DNMT3A: variants seen among roughly 807,000 people sequenced by gnomAD.
DNMT3A encodes the protein DNA methyltransferase 3 alpha.
Under a neutral mutation model 117.6 loss-of-function variants are expected in DNMT3A, and 267 were observed. The ratio of observed to expected loss-of-function variants is 2.27; its 90% CI spans 2.05 to 2.51. The LOEUF is 2.51. Ranked by LOEUF, DNMT3A falls within the 30% of genes most tolerant of loss-of-function variation. The pLI, the probability that DNMT3A is intolerant of heterozygous loss-of-function variation, is 0.00. For missense variants in DNMT3A, 1,029 were observed against 1,260.2 expected (o/e 0.82, Z 2.78); for synonymous variants, 432 against 474.8 (o/e 0.91, Z 1.17).
At chr2:25,278,118 CT>C (rs2031608446) in intron 4 of DNMT3A, among the ~76,000 whole-genome samples, 1 of 152,120 alleles carries the variant, frequency 6.6e-6, no homozygotes, top group Non-Finnish European at 1.5e-5. Flanking sequence ...CAGCTGCTCT[CT>C]CAGTACGGCC....
rs552103577 is a variant in DNMT3A, at chr2:25,250,749, G to T, written c.640-2497C>A. On this transcript the variant is annotated intron_variant, in intron 6 of 22. Coordinates refer to ENST00000321117, the MANE Select transcript of DNMT3A (RefSeq NM_022552.5). The stretch of plus-strand genomic sequence containing the variant: ...GGTGGCTGACCTAGGGTGATGCCTC[G>T]GATGATCCAAAGACCCCGTTTCCAG... 3.9e-5 allele frequency among the ~76,000 whole-genome samples: 6 copies of T among 152,296 alleles called. No individual in the cohort carries two copies. In the South Asian group the frequency reaches 1.2e-3, roughly 32 times the overall value.
Position 25,245,244 on chromosome 2 carries a change from T to C in DNMT3A, c.1554+9A>G, listed in dbSNP as rs1438995868. The C allele has an allele frequency of 6.2e-7, 1 of 1,613,544 alleles. No individual in the cohort carries two copies. The highest frequency in any genetic ancestry group is 2.2e-5 in the East Asian group (1 of 44,874). ...CAACGGCACCTCTCCTGGGTGGGTG[T>C]GCTCCTACCTTGCAGTTTTGGCACA... On this transcript the variant is annotated intron_variant, in intron 13 of 22. Coordinates refer to ENST00000321117, the MANE Select transcript of DNMT3A (RefSeq NM_022552.5).
intron 6 of DNMT3A, among the ~76,000 whole-genome samples, chr2:25,249,167 G>C (rs943609851): frequency 2.0e-5 from 3 of 152,172 alleles, no homozygotes; most frequent in African/African-American, 7.2e-5. Context: ...TGAGCAGGGA[G>C]GATCACTTGA....
intron 1 of DNMT3A, among the ~76,000 whole-genome samples, chr2:25,338,708 C>T (rs574528132): frequency 1.1e-4 from 16 of 152,274 alleles, no homozygotes; most frequent in Non-Finnish European, 2.1e-4. Context: ...CATGCAGCAG[C>T]CCAGGTAAGA....
rs1472805681 is a variant in DNMT3A, at chr2:25,341,713, C to T, written c.-178+113G>A. The T allele has an allele frequency of 6.6e-5, 52 of 791,604 alleles. No individual in the cohort carries two copies. In the South Asian group the frequency reaches 2.2e-3, roughly 34 times the overall value. The allele number at this position is 791,604 out of a possible 1,614,324, so 49.0% of individuals were successfully genotyped here. A position where few individuals can be genotyped will look rare whatever the true frequency, so the allele number is the denominator to read the frequency against. ...CGCCCGGCGCCGAGTTGCAGGGGTC[C>T]GGGAGCGTGCCCCGAGCCGGGCACT... is the stretch of plus-strand genomic sequence containing the variant. On this transcript the variant is annotated intron_variant, in intron 1 of 22. Coordinates refer to ENST00000321117, the MANE Select transcript of DNMT3A (RefSeq NM_022552.5).
chr2:25,259,339 C>T (rs1236975487), intron 6 of DNMT3A, among the ~76,000 whole-genome samples: 2 of 152,150 alleles, frequency 1.3e-5, no homozygotes, highest in African/African-American at 2.4e-5. Flanking sequence ...CCACTGATAC[C>T]GGATCTCAGG....
At chr2:25,245,599 G>T (rs1047112493) in intron 12 of DNMT3A, among the ~76,000 whole-genome samples, 3 of 152,220 alleles carry the variant, frequency 2.0e-5, no homozygotes, top group Non-Finnish European at 4.4e-5. Flanking sequence ...CTGGTTCCAG[G>T]TTACTCAGGA....
intron 6 of DNMT3A, among the ~76,000 whole-genome samples, chr2:25,265,579 A>C (rs913025723): frequency 6.6e-6 from 1 of 152,176 alleles, no homozygotes; most frequent in Non-Finnish European, 1.5e-5. Context: ...AGCACTTTGG[A>C]GGCTGAGGCA....
rs1160795374 is a variant in DNMT3A at position 25,296,541 on chromosome 2, C to CG, written c.177+3597_177+3598insC. ...GAAGGACGTGCCGGTGCTACATTTA[C>CG]TGTGATTATGTGTGGCCTCCTCTCT... On this transcript the variant is annotated intron_variant, in intron 3 of 22. Coordinates refer to ENST00000321117, the MANE Select transcript of DNMT3A (RefSeq NM_022552.5). The surrounding 1 kb of genome is among the most constrained non-coding windows in gnomAD (Gnocchi z 4.2). Among the ~76,000 whole-genome samples, 33 of 152,322 alleles carry CG rather than the reference C, an allele frequency of 2.2e-4. 1 individual carries two copies. The highest frequency in any genetic ancestry group is 7.7e-4 in the African/African-American group (32 of 41,564).
chr2:25,272,975 G>GGATTTTTTTT (rs2031062352), intron 6 of DNMT3A, among the ~76,000 whole-genome samples: 1 of 38,318 alleles, frequency 2.6e-5, no homozygotes, highest in Middle Eastern at 0.012. Context: ...CTAATTGTTT[G>GGATTTTTTTT]TATTTTTTTT....
chr2:25,247,589 AC>A lies in DNMT3A; in HGVS notation c.1014+1del. 1 of 1,613,346 alleles carries A rather than the reference AC, an allele frequency of 6.2e-7. No homozygotes were observed. The highest frequency in any genetic ancestry group is 8.5e-7 in the Non-Finnish European group (1 of 1,179,746). On this transcript the variant is annotated splice_donor_variant, in intron 8 of 22. Transcript: ENST00000321117. LOFTEE classifies it high-confidence loss of function. This position sits in a 1 kb window ranked among gnomAD's most constrained non-coding sequence, Gnocchi z 5.6. Reference sequence around the variant, plus strand: ...AGGCTACTGCCAAACCCCACAACTTACCACTGAGAATTTGCCGTCTCCGAAC... The same window carrying A: ...AGGCTACTGCCAAACCCCACAACTTACACTGAGAATTTGCCGTCTCCGAAC...
intron 6 of DNMT3A, among the ~76,000 whole-genome samples, chr2:25,266,464 T>TC (rs11437683): frequency 0.49 from 75,010 of 151,882 alleles, 18,881 homozygotes; most frequent in Non-Finnish European, 0.54. Context: ...CACACCTTAT[T>TC]ATCTCCTCCT....
rs1351121609 is a variant in DNMT3A, at chr2:25,296,897, C to T, written c.177+3242G>A. Reference sequence around the variant, plus strand: ...AGCGCTGGCTGTGGAAGCTCACAGCCTCCAGCCAGGGTTTCATCTCTTACT... The same window carrying T: ...AGCGCTGGCTGTGGAAGCTCACAGCTTCCAGCCAGGGTTTCATCTCTTACT... On this transcript the variant is annotated intron_variant, in intron 3 of 22. Coordinates refer to ENST00000321117, the MANE Select transcript of DNMT3A (RefSeq NM_022552.5). This position sits in a 1 kb window ranked among gnomAD's most constrained non-coding sequence, Gnocchi z 4.2. Among the ~76,000 whole-genome samples the T allele has an allele frequency of 6.6e-6, 1 of 152,152 alleles. No homozygotes were observed. The highest frequency in any genetic ancestry group is 1.5e-5 in the Non-Finnish European group (1 of 68,014).
intron 6 of DNMT3A, chr2:25,251,849 G>T: frequency 2.6e-6 from 1 of 383,298 alleles, no homozygotes; most frequent in Non-Finnish European, 4.7e-6. Flanking sequence ...TGCCAGCTCA[G>T]CTGAAGCTGC....
chr2:25,255,017 T>C (rs977623414), intron 6 of DNMT3A, among the ~76,000 whole-genome samples: 4 of 152,144 alleles, frequency 2.6e-5, no homozygotes, highest in East Asian at 1.9e-4. Flanking sequence ...TCCACACAAC[T>C]TCCCAACAAG....
rs576779700 is a variant in DNMT3A at position 25,240,596 on chromosome 2, G to A, written c.2173+44C>T. 3.7e-5 allele frequency: 59 copies of A among 1,610,444 alleles called. No homozygotes were observed. In the Admixed American group the frequency reaches 7.4e-4, roughly 20 times the overall value. On this transcript the variant is annotated intron_variant, in intron 18 of 22. Transcript: ENST00000321117. ...ATATCCAAGGAGGAAGCCTATGTGC[G>A]GAAGCACCAGCTGAGAAGGTGGAGG...
intron 19 of DNMT3A, 79 bp from the exon 20 acceptor site, chr2:25,239,294 TAAAGCCTC>T (rs1397127571): frequency 7.6e-7 from 1 of 1,316,200 alleles, no homozygotes; most frequent in African/African-American, 1.4e-5. Context: ...GGTCGAGCCT[TAAAGCCTC>T]AAAGCCTCTT....
intron 2 of DNMT3A, among the ~76,000 whole-genome samples, chr2:25,300,711 TAATATATATATATA>T (rs1333900484): frequency 2.4e-4 from 10 of 42,048 alleles, no homozygotes; most frequent in Admixed American, 6.9e-4. Context: ...CTAAATAATA[TAATATATATATATA>T]TATATATATA....
chr2:25,249,639 C>T (rs1675272363), intron 6 of DNMT3A: 1 of 1,614,092 alleles, frequency 6.2e-7, no homozygotes, highest in African/African-American at 1.3e-5. Flanking sequence ...TCCCATTGCA[C>T]AGCCTCCATC....
Sources: gnomAD v4.1 joint callset for allele counts (sites outside exome capture counted in the v4.1 genomes callset) on GRCh38, gnomAD v4.1.1 for gene constraint, Gnocchi (gnomAD v3.1) non-coding constraint, MANE v1.5 for transcripts, NCBI Gene and HGNC (gene_info 2026-07-23, HGNC 2026-07-21) for gene names.